The following FBN1 variants were observed in gnomAD, a reference collection of about 807,000 sequenced individuals.
FBN1 encodes fibrillin-1.
In FBN1, 29 loss-of-function variants were observed where a neutral mutation model predicts 365.1. The observed-to-expected ratio is 0.08, with a 90% confidence interval of 0.06 to 0.11. FBN1 has a LOEUF of 0.11. Ranked by LOEUF, FBN1 falls within the 10% of genes least tolerant of loss-of-function variation. The probability of loss-of-function intolerance (pLI) is 1.00; values close to 1 mark genes in which losing one functional copy is unlikely to be tolerated. For missense variants in FBN1, 2,476 were observed against 3,703.2 expected (o/e 0.67, Z 8.60); for synonymous variants, 1,210 against 1,270.5 (o/e 0.95, Z 1.01).
At chr15:48,585,528 G>A (rs2044429224) in intron 6 of FBN1, among the ~76,000 whole-genome samples, 1 of 152,002 alleles carries the variant, frequency 6.6e-6, no homozygotes, top group African/African-American at 2.4e-5. Context: ...TTAGAATGTT[G>A]GATTAAACAG....
chr15:48,513,120 C>T (rs2043774141), intron 13 of FBN1, among the ~76,000 whole-genome samples: 1 of 152,162 alleles, frequency 6.6e-6, no homozygotes, highest in African/African-American at 2.4e-5. Flanking sequence ...CTAGGAGATG[C>T]TGTTGCTGAC....
intron 63 of FBN1, among the ~76,000 whole-genome samples, chr15:48,416,481 G>A (rs2141215946): frequency 6.6e-6 from 1 of 152,304 alleles, no homozygotes; most frequent in Non-Finnish European, 1.5e-5. Context: ...TGCCCAGAGT[G>A]TCTGAGCCCT....
chr15:48,636,316 T>C (rs1890089705), intron 2 of FBN1, among the ~76,000 whole-genome samples: 1 of 152,064 alleles, frequency 6.6e-6, no homozygotes. Flanking sequence ...CCTGAGACTA[T>C]ATAAAGGAGA....
intron 6 of FBN1, among the ~76,000 whole-genome samples, chr15:48,565,482 T>C (rs1196395968): frequency 1.3e-5 from 2 of 152,052 alleles, no homozygotes; most frequent in Middle Eastern, 3.2e-3. Context: ...AACACAATCA[T>C]GTGTTAGTTA....
intron 34 of FBN1, 152 bp downstream of exon 34, chr15:48,474,103 A>AG: frequency 8.7e-7 from 1 of 1,147,578 alleles, no homozygotes; most frequent in Non-Finnish European, 1.3e-6. Context: ...ACCTGGTTCC[A>AG]ATTTTTTTTT....
intron 6 of FBN1, among the ~76,000 whole-genome samples, chr15:48,571,601 T>G (rs1381665870): frequency 6.6e-6 from 1 of 152,160 alleles, no homozygotes; most frequent in Non-Finnish European, 1.5e-5. Flanking sequence ...TGTCTATTGT[T>G]GGGAATAAGC....
rs187315759 is a variant in FBN1 at position 48,635,237 on chromosome 15, T to C, written c.164+9369A>G. Among the ~76,000 whole-genome samples the C allele has an allele frequency of 1.3e-4, 20 of 152,244 alleles. 1 individual carries two copies. In the East Asian group the frequency reaches 3.9e-3, roughly 29 times the overall value. Reference sequence around the variant, plus strand: ...CGGCTGGGAATGGTGGAGATAGGGATTTTTGCTTTCTCTCTTCCGCTCTGA... The same window carrying C: ...CGGCTGGGAATGGTGGAGATAGGGACTTTTGCTTTCTCTCTTCCGCTCTGA... On this transcript the variant is annotated intron_variant, in intron 2 of 65. Coordinates refer to ENST00000316623, the MANE Select transcript of FBN1 (RefSeq NM_000138.5).
chr15:48,624,120 A>AT (rs1566940629), intron 2 of FBN1, among the ~76,000 whole-genome samples: 2 of 152,120 alleles, frequency 1.3e-5, no homozygotes. Flanking sequence ...GAGTGTATAT[A>AT]TTTAAAAAAA....
intron 50 of FBN1, among the ~76,000 whole-genome samples, chr15:48,439,400 C>A (rs898943287): frequency 2.0e-5 from 3 of 152,332 alleles, no homozygotes; most frequent in South Asian, 2.1e-4. Context: ...ATCTCTGCCA[C>A]CCAAATGTTT....
intron 6 of FBN1, among the ~76,000 whole-genome samples, chr15:48,543,044 C>T (rs888942345): frequency 1.3e-5 from 2 of 152,110 alleles, no homozygotes; most frequent in African/African-American, 4.8e-5. Context: ...TTCATTTCCA[C>T]AGTGCTGCAC....
chr15:48,481,405 C>T (rs1476015844), intron 32 of FBN1, among the ~76,000 whole-genome samples: 1 of 152,054 alleles, frequency 6.6e-6, no homozygotes, highest in East Asian at 1.9e-4. Context: ...TAAAAATGTG[C>T]TATTTACAGT....
At chr15:48,544,794 T>C (rs1190025876) in intron 6 of FBN1, among the ~76,000 whole-genome samples, 1 of 152,208 alleles carries the variant, frequency 6.6e-6, no homozygotes, top group East Asian at 1.9e-4. Context: ...TCCTTCACTA[T>C]AAATCCTACA....
chr15:48,638,041 T>C (rs962639913), intron 2 of FBN1, among the ~76,000 whole-genome samples: 3 of 151,924 alleles, frequency 2.0e-5, no homozygotes. Context: ...GATAAACTTT[T>C]TTTTTTTTTT....
chr15:48,520,957 C>G (rs556366418), intron 9 of FBN1, 140 bp from the exon 10 acceptor site: 9 of 1,107,918 alleles, frequency 8.1e-6, no homozygotes, highest in Admixed American at 2.0e-5. Context: ...GGAAGGGAAG[C>G]TGCGAGCGCT....
chr15:48,631,193 G>T (rs1463337995), intron 2 of FBN1, among the ~76,000 whole-genome samples: 1 of 152,078 alleles, frequency 6.6e-6, no homozygotes, highest in East Asian at 1.9e-4. Context: ...AAAATAAAAA[G>T]ATTTTCAATT....
At chr15:48,565,976 T>C (rs935953869) in intron 6 of FBN1, among the ~76,000 whole-genome samples, 1 of 152,204 alleles carries the variant, frequency 6.6e-6, no homozygotes, top group Non-Finnish European at 1.5e-5. Flanking sequence ...AAAAGAAATA[T>C]GAACTCTTAC....
In FBN1 at chr15:48,472,593, C is replaced by G; in HGVS notation, c.4294G>C (p.Asp1432His). The G allele has an allele frequency of 6.2e-7, 1 of 1,614,178 alleles. No individual in the cohort carries two copies. The highest frequency in any genetic ancestry group is 8.5e-7 in the Non-Finnish European group (1 of 1,180,024). Residue 1432 changes from aspartate (D) to histidine (H), a missense_variant, in exon 35 of 66, where the codon GAC becomes CAC. Physicochemically the swap from Asp to His is moderately conservative, Grantham distance 81. Transcript: ENST00000316623. ...NAPGGYRCEC[D>H]MGFVPSADGK... is the part of the protein sequence containing the mutation. ...TCAGCACTGGGCACGAAGCCCATGT[C>G]GCATTCACAGCGGTATCCTCCTGGT...
At chr15:48,629,419 AC>A (rs1889945328) in intron 2 of FBN1, among the ~76,000 whole-genome samples, 2 of 152,364 alleles carry the variant, frequency 1.3e-5, no homozygotes, top group South Asian at 4.1e-4. Flanking sequence ...CAAAATATGG[AC>A]TTTTTTGGAT....
chr15:48,460,217 A>G (rs1435933259), intron 43 of FBN1, 29 bp downstream of exon 43: 5 of 1,585,048 alleles, frequency 3.2e-6, no homozygotes, highest in Non-Finnish European at 4.3e-6. Context: ...AAAAAACCAG[A>G]AAGTTCTGAC....
Sources: gnomAD v4.1 joint callset for allele counts (sites outside exome capture counted in the v4.1 genomes callset) on GRCh38, gnomAD v4.1.1 for gene constraint, MANE v1.5 for transcripts, NCBI Gene and HGNC (gene_info 2026-07-23, HGNC 2026-07-21) for gene names.